KCNT2: variants seen among roughly 807,000 people sequenced by gnomAD.
KCNT2 encodes the protein potassium channel subfamily T member 2.
A neutral mutation model predicts 153.8 loss-of-function variants in KCNT2; 67 were observed. The ratio of observed to expected loss-of-function variants is 0.44; its 90% CI spans 0.36 to 0.53. KCNT2 has a LOEUF of 0.53. Ranked by LOEUF, KCNT2 falls within the 20% of genes least tolerant of loss-of-function variation. The pLI, the probability that KCNT2 is intolerant of heterozygous loss-of-function variation, is 0.00. For synonymous variants in KCNT2, 500 were observed against 458.8 expected (o/e 1.09, Z -1.15); for missense variants, 975 against 1,354.8 (o/e 0.72, Z 4.40).
intron 25 of KCNT2, among the ~76,000 whole-genome samples, chr1:196,277,211 T>C (rs1334674427): frequency 6.6e-6 from 1 of 152,084 alleles, no homozygotes; most frequent in Non-Finnish European, 1.5e-5. Flanking sequence ...TTCACTTCTG[T>C]TGGGAATTTT....
In KCNT2 at chr1:196,278,934, T is replaced by C. The variant is rs547127280; in HGVS notation, c.2910+1926A>G. 1.3e-5 allele frequency among the ~76,000 whole-genome samples: 2 copies of C among 152,308 alleles called. 1 individual carries two copies. The highest frequency in any genetic ancestry group is 4.1e-4 in the South Asian group (2 of 4,824). On this transcript the variant is annotated intron_variant, in intron 25 of 27. Coordinates refer to ENST00000294725, the MANE Select transcript of KCNT2 (RefSeq NM_198503.5). ...GTGATTAGATCATGAAAGAGCCTTA[T>C]AAAAGAGGACTCAGAGAGATCCCCT... is the stretch of plus-strand genomic sequence containing the variant.
At chr1:196,349,248 T>C (rs1166950158) in intron 14 of KCNT2, among the ~76,000 whole-genome samples, 1 of 152,166 alleles carries the variant, frequency 6.6e-6, no homozygotes, top group Non-Finnish European at 1.5e-5. Context: ...TTCCGTGACT[T>C]TGTAGCCTTC....
At chr1:196,296,992 A>G (rs1252839109) in intron 22 of KCNT2, among the ~76,000 whole-genome samples, 1 of 152,040 alleles carries the variant, frequency 6.6e-6, no homozygotes, top group African/African-American at 2.4e-5. Context: ...TTAACATTTC[A>G]AAAAGAAAGC....
intron 19 of KCNT2, among the ~76,000 whole-genome samples, chr1:196,319,896 G>T (rs1277333855): frequency 6.6e-6 from 1 of 151,620 alleles, no homozygotes; most frequent in African/African-American, 2.4e-5. Flanking sequence ...AGGAGGCCTT[G>T]TAAAATAAAA....
chr1:196,413,646 CAGAA>C (rs756168660), intron 12 of KCNT2, among the ~76,000 whole-genome samples: 47 of 151,518 alleles, frequency 3.1e-4, no homozygotes, highest in Non-Finnish European at 5.8e-4. Flanking sequence ...CTAGAATAGT[CAGAA>C]AGCATTTTGA....
rs1221417298 is a variant in KCNT2 at position 196,226,226 on chromosome 1, T to C, written c.*1998A>G. 6.6e-6 allele frequency: 1 copy of C among 152,008 alleles called. No individual in the cohort carries two copies. The highest frequency in any genetic ancestry group is 2.4e-5 in the African/African-American group (1 of 41,442). The allele number at this position is 152,008 out of a possible 1,614,324, so 9.4% of individuals were successfully genotyped here. ...GTGGGGAAATAAAAGATTTGTAAAA[T>C]CTTACATTTATTCCTAAAAATAATG... On this transcript the variant is annotated 3_prime_UTR_variant, in exon 28 of 28. Transcript: ENST00000294725.
At chr1:196,377,379 TA>T (rs1413345580) in intron 13 of KCNT2, among the ~76,000 whole-genome samples, 1 of 151,918 alleles carries the variant, frequency 6.6e-6, no homozygotes, top group African/African-American at 2.4e-5. Flanking sequence ...TGCCAATTTT[TA>T]TCAAATAATT....
rs1169737333 is a variant in KCNT2 at position 196,588,414 on chromosome 1, G to A, written c.95+19801C>T. 2.0e-5 allele frequency among the ~76,000 whole-genome samples: 3 copies of A among 152,068 alleles called. No homozygotes were observed. In the East Asian group the frequency reaches 5.8e-4, roughly 29 times the overall value. ...TTTTATCATTAGCTTCTCCAAGAAG[G>A]CAATGTCAAAGTGTGATTTATTAAT... On this transcript the variant is annotated intron_variant, in intron 1 of 27. Transcript: ENST00000294725.
intron 1 of KCNT2, among the ~76,000 whole-genome samples, chr1:196,492,913 A>G (rs1239451063): frequency 6.6e-6 from 1 of 152,184 alleles, no homozygotes; most frequent in Admixed American, 6.5e-5. Context: ...AAGAAGTAGC[A>G]GTGGCAAATA....
At chr1:196,403,889 T>G (rs1021503500) in intron 12 of KCNT2, among the ~76,000 whole-genome samples, 4 of 151,686 alleles carry the variant, frequency 2.6e-5, no homozygotes, top group African/African-American at 9.7e-5. Flanking sequence ...ACAGAAGTTT[T>G]GGTTATTGTA....
At chr1:196,384,721 A>G (rs911672635) in intron 13 of KCNT2, among the ~76,000 whole-genome samples, 3 of 151,890 alleles carry the variant, frequency 2.0e-5, no homozygotes, top group Non-Finnish European at 4.4e-5. Context: ...AAAAAAAAAA[A>G]AAAAAAAATC....
chr1:196,435,123 ATG>A lies in KCNT2; in HGVS notation c.639-5368_639-5367del, dbSNP rs1315977011. ...TTTTGCTATTTAGCAATAGATACTT[ATG>A]TGTGTGTGTGTATGTATATATATAT... On this transcript the variant is annotated intron_variant, in intron 8 of 27. Transcript: ENST00000294725. 5.4e-3 allele frequency among the ~76,000 whole-genome samples: 380 copies of A among 70,566 alleles called. 5 individuals are homozygous for A. The highest frequency in any genetic ancestry group is 0.016 in the African/African-American group (366 of 23,596). 46.3% of individuals were successfully genotyped at this position (70,566 alleles called of 152,430 possible). A position where few individuals can be genotyped will look rare whatever the true frequency, so the allele number is the denominator to read the frequency against.
chr1:196,319,891 G>A (rs1443705460), intron 19 of KCNT2, among the ~76,000 whole-genome samples: 3 of 151,590 alleles, frequency 2.0e-5, no homozygotes, highest in Admixed American at 1.3e-4. Context: ...TGCACAGGAG[G>A]CCTTGTAAAA....
chr1:196,277,492 G>A (rs141094892), intron 25 of KCNT2, among the ~76,000 whole-genome samples: 1 of 152,072 alleles, frequency 6.6e-6, no homozygotes, highest in African/African-American at 2.4e-5. Context: ...TCTTTCCGGG[G>A]TCCAGAGGCC....
chr1:196,435,139 G>GTATATATA lies in KCNT2; in HGVS notation c.639-5390_639-5383dup, dbSNP rs1166021273. The stretch of plus-strand genomic sequence containing the variant: ...TAGATACTTATGTGTGTGTGTGTAT[G>GTATATATA]TATATATATATATATATATATATAT... On this transcript the variant is annotated intron_variant, in intron 8 of 27. Transcript: ENST00000294725. Among the ~76,000 whole-genome samples, 217 of 45,642 alleles carry GTATATATA rather than the reference G, an allele frequency of 4.8e-3. 3 individuals carry two copies. The highest frequency in any genetic ancestry group is 0.031 in the Middle Eastern group (1 of 32). 29.9% of individuals were successfully genotyped at this position (45,642 alleles called of 152,430 possible).
intron 13 of KCNT2, among the ~76,000 whole-genome samples, chr1:196,388,519 A>G (rs567048474): frequency 6.6e-6 from 1 of 151,760 alleles, no homozygotes; most frequent in Non-Finnish European, 1.5e-5. Context: ...GAATCTTTTA[A>G]CCCTTGAAGT....
intron 13 of KCNT2, among the ~76,000 whole-genome samples, chr1:196,378,761 T>C (rs1015930685): frequency 2.0e-5 from 3 of 147,998 alleles, no homozygotes; most frequent in South Asian, 2.1e-4. Flanking sequence ...CAATATGTAA[T>C]ATAATATCTA....
intron 17 of KCNT2, among the ~76,000 whole-genome samples, chr1:196,331,964 T>C (rs929226254): frequency 6.6e-6 from 1 of 152,128 alleles, no homozygotes; most frequent in Non-Finnish European, 1.5e-5. Flanking sequence ...TCGGCTATAC[T>C]GACTTTCAGA....
chr1:196,581,692 C>T (rs2148977281), intron 1 of KCNT2, among the ~76,000 whole-genome samples: 1 of 152,184 alleles, frequency 6.6e-6, no homozygotes, highest in Middle Eastern at 3.4e-3. Context: ...TTTATAAAAA[C>T]TTTCCAAAAA....
Sources: allele counts gnomAD v4.1 joint callset (sites outside exome capture counted in the v4.1 genomes callset), GRCh38; gene constraint gnomAD v4.1.1; transcripts MANE v1.5; gene names NCBI Gene and HGNC (gene_info 2026-07-23, HGNC 2026-07-21).